The following NRG4 variants were observed in gnomAD, a reference collection of about 807,000 sequenced individuals.
The protein encoded by NRG4 is pro-neuregulin-4, membrane-bound isoform.
In NRG4, 10 loss-of-function variants were observed where a neutral mutation model predicts 15.0. That is an observed-to-expected ratio of 0.67 (90% CI 0.41 to 1.13). NRG4 has a LOEUF of 1.13. Among genes scored for constraint, NRG4 ranks in the 50% most tolerant of loss-of-function variants. The pLI, the probability that NRG4 is intolerant of heterozygous loss-of-function variation, is 0.00. For missense variants in NRG4, 139 were observed against 140.2 expected, an observed-to-expected ratio of 0.99 and a Z score of 0.04; for synonymous variants, 41 against 50.1, an observed-to-expected ratio of 0.82 and a Z score of 0.77.
chr15:76,032,250 A>C (rs2035491426), intron 5 of NRG4, among the ~76,000 whole-genome samples: 1 of 152,202 alleles, frequency 6.6e-6, no homozygotes, highest in Non-Finnish European at 1.5e-5. Flanking sequence ...CTGACTTTGC[A>C]AGTCTTACAA....
intron 1 of NRG4, among the ~76,000 whole-genome samples, chr15:76,058,201 TC>T (rs1419997654): frequency 6.6e-6 from 1 of 152,182 alleles, no homozygotes; most frequent in African/African-American, 2.4e-5. Flanking sequence ...ATAGCTCCCC[TC>T]CCGTGCATCC....
intron 3 of NRG4, among the ~76,000 whole-genome samples, chr15:75,972,977 A>G (rs957949708): frequency 6.6e-6 from 1 of 152,196 alleles, no homozygotes; most frequent in Admixed American, 6.5e-5. Flanking sequence ...GGCCATTTTC[A>G]AGATATTGAT....
chr15:75,961,952 C>G lies in NRG4; in HGVS notation c.127G>C (p.Ala43Pro), dbSNP rs1481640281. 1.2e-6 allele frequency: 2 copies of G among 1,613,334 alleles called. No homozygotes were observed. Among genetic ancestry groups the G allele is most frequent in the Admixed American group, 3.3e-5 (2 of 59,978 alleles). The change falls in exon 4 of 6, where the codon GCT (alanine) becomes CCT (proline). Residue 43 changes from alanine (A) to proline (P), a missense_variant. Coordinates refer to ENST00000394907, the MANE Select transcript of NRG4 (RefSeq NM_138573.4). ...FCRCVENYTG[A>P]RCEEVFLPGS... Reference sequence around the variant, plus strand: ...GGGAGAAAAACCTCTTCACAACGAGCTCCTGTATAGTTTTCAACGCACCTA... The same window carrying G: ...GGGAGAAAAACCTCTTCACAACGAGGTCCTGTATAGTTTTCAACGCACCTA...
At chr15:76,042,874 T>G (rs2035778212) in intron 4 of NRG4, among the ~76,000 whole-genome samples, 1 of 151,962 alleles carries the variant, frequency 6.6e-6, no homozygotes, top group Non-Finnish European at 1.5e-5. Context: ...TACAGGCCAA[T>G]AGCCCGGGTT....
At chr15:76,014,721 G>A (rs192899795), upstream of NRG4, among the ~76,000 whole-genome samples, 45 of 152,282 alleles carry the variant, frequency 3.0e-4, 1 homozygote, top group East Asian at 6.4e-3. Context: ...TTTGATACCA[G>A]TACCATGCTG....
At chr15:75,966,145 G>T (rs1442433686) in intron 3 of NRG4, among the ~76,000 whole-genome samples, 2 of 152,140 alleles carry the variant, frequency 1.3e-5, no homozygotes, top group Non-Finnish European at 2.9e-5. Flanking sequence ...CAGAAGCTAC[G>T]TTTAGTACAT....
chr15:75,988,658 G>A (rs2141865745), intron 3 of NRG4, among the ~76,000 whole-genome samples: 1 of 152,228 alleles, frequency 6.6e-6, no homozygotes, highest in South Asian at 2.1e-4. Context: ...TTAACTCTGT[G>A]TAAATGGCAT....
chr15:76,022,337 A>G (rs922680637), intron 5 of NRG4, among the ~76,000 whole-genome samples: 1 of 152,188 alleles, frequency 6.6e-6, no homozygotes, highest in African/African-American at 2.4e-5. Flanking sequence ...AGGCTGATTC[A>G]TATAAAGCAT....
At chr15:75,951,163 C>CTTTTTTTTTTTTTTTTTTTTTTTTTTT (rs5813813) in intron 5 of NRG4, 1 of 90,550 alleles carries the variant, frequency 1.1e-5, no homozygotes, top group Non-Finnish European at 1.9e-5. Flanking sequence ...TTTCTTTTTT[C>CTTTTTTTTTTTTTTTTTTTTTTTTTTT]TTTTTTTTTT....
downstream of NRG4, chr15:75,940,317 C>T (rs1164254950): frequency 6.6e-6 from 1 of 151,886 alleles, no homozygotes; most frequent in East Asian, 1.9e-4. Context: ...ATGAAAACTA[C>T]AAAACATTGC....
intron 3 of NRG4, among the ~76,000 whole-genome samples, chr15:76,003,848 T>C (rs1003199410): frequency 5.9e-5 from 9 of 152,200 alleles, no homozygotes; most frequent in African/African-American, 2.2e-4. Flanking sequence ...CAAGCAGTCC[T>C]TCAAAACTAA....
downstream of NRG4, chr15:75,938,280 T>C (rs2030579374): frequency 6.6e-6 from 1 of 152,032 alleles, no homozygotes; most frequent in African/African-American, 2.4e-5. Flanking sequence ...ATGACAGCTT[T>C]TAAAAATAAA....
chr15:75,943,459 A>C lies in NRG4; in HGVS notation c.*179T>G. 1 of 582,520 alleles carries C rather than the reference A, an allele frequency of 1.7e-6. No homozygotes were observed. Among genetic ancestry groups the C allele is most frequent in the Non-Finnish European group, 3.0e-6 (1 of 329,352 alleles). 36.1% of individuals were successfully genotyped at this position (582,520 alleles called of 1,614,324 possible). A position where few individuals can be genotyped will look rare whatever the true frequency, so the allele number is the denominator to read the frequency against. On this transcript the variant is annotated 3_prime_UTR_variant, in exon 6 of 6. Coordinates refer to ENST00000394907, the MANE Select transcript of NRG4 (RefSeq NM_138573.4). ...CTACTTAGCAGTTGCCGATGGACTGATGCACATTACAGAAGCACACACACC... is the reference window on the plus strand; with the variant it reads ...CTACTTAGCAGTTGCCGATGGACTGCTGCACATTACAGAAGCACACACACC...
At position 75,956,007 on chromosome 15, in the gene NRG4, CT is replaced by C; in HGVS notation, c.255del (p.Gly86AlafsTer16). ...ACTGAACTGGCTCTCTGAAAGTGGC[CT>C]TTCCTGACAATAAAGAGGAGAGAAA... ...IIGAFYFLCR[K>X]GHFQRASSVQ... On this transcript the variant is annotated frameshift_variant, in exon 5 of 6. Coordinates refer to ENST00000394907, the MANE Select transcript of NRG4 (RefSeq NM_138573.4). LOFTEE classifies it high-confidence loss of function. The C allele has an allele frequency of 6.2e-7, 1 of 1,601,388 alleles. No individual in the cohort carries two copies. Among genetic ancestry groups the C allele is most frequent in the Non-Finnish European group, 8.6e-7 (1 of 1,168,698 alleles).
Position 75,961,815 on chromosome 15 carries a change from C to T in NRG4, c.251+13G>A, listed in dbSNP as rs1173027003. Reference sequence around the variant, plus strand: ...TATTACTTTTCTCAAAAGCATGTTTCTATTTTACTTACCTGCAAAGGAAGT... The same window carrying T: ...TATTACTTTTCTCAAAAGCATGTTTTTATTTTACTTACCTGCAAAGGAAGT... On this transcript the variant is annotated intron_variant, in intron 4 of 5. Coordinates refer to ENST00000394907, the MANE Select transcript of NRG4 (RefSeq NM_138573.4). 2 of 1,597,044 alleles carry T rather than the reference C, an allele frequency of 1.3e-6. No homozygotes were observed. Among genetic ancestry groups the T allele is most frequent in the East Asian group, 4.5e-5 (2 of 44,748 alleles).
At chr15:76,043,170 T>C (rs1010865025) in intron 4 of NRG4, among the ~76,000 whole-genome samples, 1 of 152,144 alleles carries the variant, frequency 6.6e-6, no homozygotes, top group African/African-American at 2.4e-5. Flanking sequence ...AAAAGCTATA[T>C]ATGACAGACC....
In NRG4 at chr15:76,023,130, C is replaced by CCACACACA. The variant is rs10572540; in HGVS notation, c.-56-11852_-56-11845dup. ...ACTAGAGACACCTGGCACCCATACT[C>CCACACACA]CACACACACACACACACACACACAC... On this transcript the variant is annotated intron_variant, in intron 5 of 8. Transcript: ENST00000563910. Among the ~76,000 whole-genome samples the CCACACACA allele has an allele frequency of 1.4e-3, 169 of 120,180 alleles. 2 individuals carry two copies. Among genetic ancestry groups the CCACACACA allele is most frequent in the African/African-American group, 3.7e-3 (122 of 33,362 alleles). 78.8% of individuals were successfully genotyped at this position (120,180 alleles called of 152,430 possible).
chr15:75,963,128 A>G (rs2032614083), intron 3 of NRG4, among the ~76,000 whole-genome samples: 1 of 152,224 alleles, frequency 6.6e-6, no homozygotes, highest in Non-Finnish European at 1.5e-5. Context: ...AAGATATAGC[A>G]CAAAGGATCA....
chr15:76,032,157 T>C (rs2035489503), intron 5 of NRG4, among the ~76,000 whole-genome samples: 1 of 152,164 alleles, frequency 6.6e-6, no homozygotes, highest in Non-Finnish European at 1.5e-5. Context: ...AGTGTTCAAA[T>C]ATCAGTAGAA....
Sources: gnomAD v4.1 joint callset for allele counts (sites outside exome capture counted in the v4.1 genomes callset) on GRCh38, gnomAD v4.1.1 for gene constraint, MANE v1.5 for transcripts, NCBI Gene and HGNC (gene_info 2026-07-23, HGNC 2026-07-21) for gene names.